The following OR3A2 variants were observed in gnomAD, a reference collection of about 807,000 sequenced individuals.
The protein encoded by OR3A2 is olfactory receptor 3A2.
For synonymous variants in OR3A2, 126 were observed against 159.3 expected (o/e 0.79, Z 1.57); for missense variants, 318 against 392.8 (o/e 0.81, Z 1.61).
intron 1 of OR3A2, chr17:3,383,907 C>T (rs2049758045): frequency 6.6e-6 from 1 of 151,670 alleles, no homozygotes; most frequent in South Asian, 2.1e-4. Flanking sequence ...AAGCTTCATT[C>T]AACAAATATT....
intron 2 of OR3A2, among the ~76,000 whole-genome samples, chr17:3,382,266 G>A (rs575722629): frequency 6.6e-6 from 1 of 152,196 alleles, no homozygotes; most frequent in Non-Finnish European, 1.5e-5. Flanking sequence ...AGTGCAAACG[G>A]CTCAGCCCTG....
intron 3 of OR3A2, among the ~76,000 whole-genome samples, chr17:3,316,343 G>A (rs9894687): frequency 0.15 from 23,046 of 152,062 alleles, 2,329 homozygotes; most frequent in African/African-American, 0.28. Flanking sequence ...GTACATCCAC[G>A]ATCCATGTGT....
intron 2 of OR3A2, among the ~76,000 whole-genome samples, chr17:3,359,443 C>G (rs1342450503): frequency 6.6e-6 from 1 of 151,702 alleles, no homozygotes; most frequent in Non-Finnish European, 1.5e-5. Flanking sequence ...GTGCTCATTT[C>G]AAGATCTCTT....
chr17:3,294,759 A>C (rs1025369385), intron 3 of OR3A2, among the ~76,000 whole-genome samples: 1 of 152,226 alleles, frequency 6.6e-6, no homozygotes, highest in African/African-American at 2.4e-5. Flanking sequence ...CCAAAGTAAC[A>C]GTCAAAGTTG....
rs181523360 is a variant in OR3A2 at position 3,304,355 on chromosome 17, T to C, written c.-84-25202A>G. On this transcript the variant is annotated intron_variant, in intron 3 of 4. Coordinates refer to the OR3A2 transcript ENST00000573491. ...CTTCTCCAGTACTTTCCCTCACCAATTCGTGCTGCCACAGCCAGCCTGAAC... is the reference window on the plus strand; with the variant it reads ...CTTCTCCAGTACTTTCCCTCACCAACTCGTGCTGCCACAGCCAGCCTGAAC... Among the ~76,000 whole-genome samples the C allele has an allele frequency of 3.6e-3, 549 of 152,310 alleles. 4 individuals carry two copies. The highest frequency in any genetic ancestry group is 0.013 in the African/African-American group (525 of 41,568).
intron 2 of OR3A2, among the ~76,000 whole-genome samples, chr17:3,366,757 G>A (rs562859054): frequency 2.6e-5 from 4 of 152,300 alleles, no homozygotes; most frequent in African/African-American, 9.6e-5. Flanking sequence ...TTTGTACTCT[G>A]TGCTGTACTG....
chr17:3,300,610 T>C lies in OR3A2; in HGVS notation c.-84-21457A>G, dbSNP rs376550146. 4.0e-3 allele frequency among the ~76,000 whole-genome samples: 612 copies of C among 152,214 alleles called. 3 individuals are homozygous for C. The highest frequency in any genetic ancestry group is 6.9e-3 in the Non-Finnish European group (472 of 68,012). ...AAATAAAATCACAATAGAGACACTA[T>C]TTTACATGTACTATTGGCCTAAATG... On this transcript the variant is annotated intron_variant, in intron 3 of 4. Transcript: ENST00000573491.
chr17:3,336,111 A>C (rs186634180), exon 3 of OR3A2: 1 of 152,302 alleles, frequency 6.6e-6, no homozygotes, highest in Non-Finnish European at 1.5e-5. Flanking sequence ...TCTTCATTCA[A>C]CATTTTGTGG....
chr17:3,283,925 G>A (rs1431104913), intron 1 of OR3A2, among the ~76,000 whole-genome samples: 1 of 142,172 alleles, frequency 7.0e-6, no homozygotes, highest in African/African-American at 2.8e-5. Context: ...GACATCCAGA[G>A]GGTCTGACAG....
chr17:3,368,667 G>A (rs933088362), intron 2 of OR3A2, among the ~76,000 whole-genome samples: 9 of 152,148 alleles, frequency 5.9e-5, no homozygotes, highest in Admixed American at 2.6e-4. Context: ...GTTGGGTAAC[G>A]TGATACTTCC....
intron 3 of OR3A2, among the ~76,000 whole-genome samples, chr17:3,304,658 T>G (rs546144681): frequency 4.6e-5 from 7 of 152,332 alleles, no homozygotes; most frequent in African/African-American, 1.7e-4. Context: ...CAAAACTGTT[T>G]ACGAAGAAAA....
intron 3 of OR3A2, among the ~76,000 whole-genome samples, chr17:3,317,873 CCCTCACTTT>C (rs2049090609): frequency 1.3e-5 from 2 of 152,076 alleles, no homozygotes; most frequent in East Asian, 1.9e-4. Context: ...ACCACACTAG[CCCTCACTTT>C]CCATGAATGA....
At chr17:3,380,266 G>A (rs1443025102) in intron 2 of OR3A2, among the ~76,000 whole-genome samples, 1 of 152,188 alleles carries the variant, frequency 6.6e-6, no homozygotes, top group East Asian at 1.9e-4. Flanking sequence ...AAGCGTCTGA[G>A]GGAGAGCAAT....
At chr17:3,349,127 C>T (rs1291286463) in intron 2 of OR3A2, among the ~76,000 whole-genome samples, 1 of 152,078 alleles carries the variant, frequency 6.6e-6, no homozygotes, top group Non-Finnish European at 1.5e-5. Flanking sequence ...CATCAACTAA[C>T]GTGCAAAATC....
At chr17:3,297,023 CAG>C (rs1020577676) in intron 3 of OR3A2, among the ~76,000 whole-genome samples, 6 of 152,192 alleles carry the variant, frequency 3.9e-5, no homozygotes, top group East Asian at 1.9e-4. Flanking sequence ...CTGGGCCCTG[CAG>C]AGATTCCCTT....
exon 2 of OR3A2, chr17:3,277,798 T>C (rs998910883): frequency 1.4e-6 from 1 of 698,168 alleles, no homozygotes; most frequent in Non-Finnish European, 2.4e-6. Flanking sequence ...AATAAGTATT[T>C]GTTGAATGAA....
chr17:3,350,115 T>TA (rs2049406167), intron 2 of OR3A2, among the ~76,000 whole-genome samples: 2 of 150,236 alleles, frequency 1.3e-5, no homozygotes, highest in South Asian at 4.2e-4. Context: ...ACATCACAAT[T>TA]AAAAGAACTA....
rs200578187 is a variant in OR3A2 at position 3,278,430 on chromosome 17, G to A, written c.488C>T (p.Thr163Ile). The A allele has an allele frequency of 3.9e-4, 633 of 1,614,126 alleles. 1 individual carries two copies. Among genetic ancestry groups the A allele is most frequent in the Non-Finnish European group, 3.2e-5 (38 of 1,180,060 alleles). The change falls in exon 2 of 2, where the codon ACT (threonine) becomes ATT (isoleucine). Residue 163 changes from threonine (T) to isoleucine (I), a missense_variant. Physicochemically the swap from Thr to Ile is moderately conservative, Grantham distance 89 (BLOSUM62 -1). Coordinates refer to ENST00000642052, the Ensembl canonical transcript of OR3A2. ...GAAGTTGAGCGTGGACATGGCCACA[G>A]TGTGGGTCAGTGCGTTGGTGAAGGC...
At chr17:3,295,135 C>T (rs1255087972) in intron 3 of OR3A2, among the ~76,000 whole-genome samples, 3 of 151,884 alleles carry the variant, frequency 2.0e-5, no homozygotes, top group Non-Finnish European at 4.4e-5. Context: ...TTTAAAATCT[C>T]AAAAGGTAAA....
Sources: allele counts gnomAD v4.1 joint callset (sites outside exome capture counted in the v4.1 genomes callset), GRCh38; gene constraint gnomAD v4.1.1; transcripts MANE v1.5; gene names NCBI Gene and HGNC (gene_info 2026-07-23, HGNC 2026-07-21).